Variants in ADAM23 observed in about 807,000 individuals in gnomAD.
ADAM23 encodes ADAM metallopeptidase domain 23.
A neutral mutation model predicts 120.1 loss-of-function variants in ADAM23; 33 were observed. The observed-to-expected ratio is 0.27, with a 90% CI of 0.21 to 0.37. ADAM23 has a LOEUF of 0.37. Among genes scored for constraint, ADAM23 ranks in the 10% least tolerant of loss-of-function variants. The pLI, the probability that ADAM23 is intolerant of heterozygous loss-of-function variation, is 1.00. For synonymous variants in ADAM23, 367 were observed against 375.2 expected (o/e 0.98, Z 0.25); for missense variants, 862 against 1,058.2 (o/e 0.81, Z 2.57).
At chr2:206,461,589 G>A (rs1375000905) in intron 2 of ADAM23, among the ~76,000 whole-genome samples, 4 of 152,072 alleles carry the variant, frequency 2.6e-5, no homozygotes, top group African/African-American at 7.2e-5. Flanking sequence ...GGAAGTTGTT[G>A]AAAAGATTTT....
At chr2:206,595,613 G>A (rs1698509492) in intron 23 of ADAM23, among the ~76,000 whole-genome samples, 1 of 152,132 alleles carries the variant, frequency 6.6e-6, no homozygotes, top group Non-Finnish European at 1.5e-5. Context: ...CTCCAGCAGT[G>A]CTTTTGAGCC....
chr2:206,589,328 TAAACAC>T (rs1698383664), intron 20 of ADAM23, 75 bp from the exon 21 acceptor site: 5 of 1,187,424 alleles, frequency 4.2e-6, no homozygotes, highest in Middle Eastern at 4.0e-4. Flanking sequence ...AATCGGGTGT[TAAACAC>T]TTACTGGCAC....
At chr2:206,499,933 T>C (rs1696352752) in intron 3 of ADAM23, among the ~76,000 whole-genome samples, 1 of 152,126 alleles carries the variant, frequency 6.6e-6, no homozygotes, top group Admixed American at 6.6e-5. Flanking sequence ...GGTTGGCGGA[T>C]TAAAGGAATC....
At chr2:206,612,881 A>C (rs2105866923) in intron 25 of ADAM23, among the ~76,000 whole-genome samples, 1 of 152,358 alleles carries the variant, frequency 6.6e-6, no homozygotes, top group South Asian at 2.1e-4. Context: ...ATACTGATTT[A>C]AATTACATAC....
At chr2:206,492,218 T>A (rs1282746987) in intron 3 of ADAM23, among the ~76,000 whole-genome samples, 1 of 152,104 alleles carries the variant, frequency 6.6e-6, no homozygotes, top group Non-Finnish European at 1.5e-5. Context: ...GATAACAAGG[T>A]AAATGTTTAT....
chr2:206,575,011 AAATCAG>A (rs1208587513), intron 18 of ADAM23, among the ~76,000 whole-genome samples: 1 of 152,184 alleles, frequency 6.6e-6, no homozygotes, highest in Admixed American at 6.5e-5. Context: ...AGTAAATAAA[AAATCAG>A]ATGGTGGTAA....
At chr2:206,451,689 A>C (rs994298595) in intron 2 of ADAM23, among the ~76,000 whole-genome samples, 1 of 152,212 alleles carries the variant, frequency 6.6e-6, no homozygotes, top group Non-Finnish European at 1.5e-5. Context: ...GAGAGCCAGG[A>C]TTTGAATCCA....
intron 2 of ADAM23, among the ~76,000 whole-genome samples, chr2:206,477,922 A>ATATATATATAT (rs1491552690): frequency 2.2e-5 from 3 of 137,142 alleles, no homozygotes; most frequent in African/African-American, 2.8e-5. Flanking sequence ...ATATATATAT[A>ATATATATATAT]AAACAACAAT....
At chr2:206,522,448 T>C (rs1696863719) in intron 3 of ADAM23, among the ~76,000 whole-genome samples, 1 of 152,036 alleles carries the variant, frequency 6.6e-6, no homozygotes. Flanking sequence ...AGTTTTTCTG[T>C]ATAGAATGAA....
chr2:206,589,174 G>C (rs1698381109), intron 20 of ADAM23, among the ~76,000 whole-genome samples: 1 of 152,070 alleles, frequency 6.6e-6, no homozygotes, highest in Admixed American at 6.6e-5. Flanking sequence ...TTTTGTATTA[G>C]CTTGCAAGAG....
chr2:206,536,792 A>G (rs1697186441), intron 4 of ADAM23, among the ~76,000 whole-genome samples: 3 of 151,840 alleles, frequency 2.0e-5, no homozygotes, highest in Non-Finnish European at 2.9e-5. Context: ...TGCAACCTCT[A>G]TTTCCTGGGT....
In ADAM23 at chr2:206,560,071, A is replaced by G. The variant is rs1292066404; in HGVS notation, c.1122A>G (p.Lys374=). Residue 374 remains lysine (K), a synonymous_variant, in exon 11 of 26, where the codon AAA becomes AAG. Coordinates refer to ENST00000264377, the MANE Select transcript of ADAM23 (RefSeq NM_003812.4). ...TGCAGATGCTCCATGAGTTCTCAAA[A>G]TACCGGCAGCGCATTAAGCAGCATG... is the stretch of plus-strand genomic sequence containing the variant. ...NPVQMLHEFS[K]YRQRIKQHAD... 6.2e-7 allele frequency: 1 copy of G among 1,614,128 alleles called. No individual in the cohort carries two copies.
chr2:206,566,428 T>A (rs142051193), intron 14 of ADAM23, among the ~76,000 whole-genome samples: 1 of 152,014 alleles, frequency 6.6e-6, no homozygotes, highest in Non-Finnish European at 1.5e-5. Flanking sequence ...AGCACTGTTA[T>A]AATCACGCAC....
At chr2:206,491,773 T>C (rs1287585402) in intron 3 of ADAM23, among the ~76,000 whole-genome samples, 1 of 152,236 alleles carries the variant, frequency 6.6e-6, no homozygotes, top group East Asian at 1.9e-4. Context: ...TCTCTAGAGA[T>C]ATAAATGTTT....
At chr2:206,612,710 G>A (rs567891714) in intron 25 of ADAM23, among the ~76,000 whole-genome samples, 184 of 152,244 alleles carry the variant, frequency 1.2e-3, no homozygotes, top group African/African-American at 4.2e-3. Context: ...TCTAAGCCCT[G>A]ACCTTGTCTG....
At chr2:206,596,742 A>G (rs1449115986) in intron 24 of ADAM23, among the ~76,000 whole-genome samples, 1 of 152,122 alleles carries the variant, frequency 6.6e-6, no homozygotes, top group African/African-American at 2.4e-5. Flanking sequence ...GGGGCCACCT[A>G]GGACCACTCT....
intron 2 of ADAM23, among the ~76,000 whole-genome samples, chr2:206,450,964 A>T (rs918861916): frequency 6.6e-6 from 1 of 152,200 alleles, no homozygotes; most frequent in Non-Finnish European, 1.5e-5. Flanking sequence ...GTAGCCGCTG[A>T]TGTGTGGTTT....
intron 24 of ADAM23, chr2:206,607,084 G>A (rs1217479947): frequency 6.6e-6 from 1 of 152,224 alleles, no homozygotes; most frequent in Admixed American, 6.5e-5. Flanking sequence ...CACACCTTGT[G>A]TTGAAGATGA....
At chr2:206,600,350 C>CA (rs1271284345) in intron 24 of ADAM23, among the ~76,000 whole-genome samples, 1 of 152,102 alleles carries the variant, frequency 6.6e-6, no homozygotes, top group African/African-American at 2.4e-5. Context: ...CCAATCATAT[C>CA]CATAGATGAA....
Sources: allele counts gnomAD v4.1 joint callset (sites outside exome capture counted in the v4.1 genomes callset), GRCh38; gene constraint gnomAD v4.1.1; transcripts MANE v1.5; gene names NCBI Gene and HGNC (gene_info 2026-07-23, HGNC 2026-07-21).